HS3ST5: variants seen among roughly 807,000 people sequenced by gnomAD.
HS3ST5 encodes heparan sulfate glucosamine 3-O-sulfotransferase 5.
A neutral mutation model predicts 25.4 loss-of-function variants in HS3ST5; 10 were observed. That is an observed-to-expected ratio of 0.39 (90% CI 0.24 to 0.67). The LOEUF is 0.67. Ranked by LOEUF, HS3ST5 falls within the 30% of genes least tolerant of loss-of-function variation. The probability of loss-of-function intolerance (pLI) is 0.44; values close to 1 mark genes in which losing one functional copy is unlikely to be tolerated. For missense variants in HS3ST5, 324 were observed against 420.7 expected (o/e 0.77, Z 2.01); for synonymous variants, 170 against 162.4 (o/e 1.05, Z -0.36).
At chr6:114,236,432 T>C (rs1454702726) in intron 1 of HS3ST5, among the ~76,000 whole-genome samples, 1 of 152,246 alleles carries the variant, frequency 6.6e-6, no homozygotes, top group East Asian at 1.9e-4. Context: ...CATACTTATA[T>C]GTTTTTTCTC....
At chr6:114,328,519 C>A (rs1776262957) in intron 1 of HS3ST5, among the ~76,000 whole-genome samples, 1 of 152,188 alleles carries the variant, frequency 6.6e-6, no homozygotes, top group East Asian at 1.9e-4. Flanking sequence ...AAGAAAAACA[C>A]TTTACAGCTA....
chr6:114,268,855 T>A (rs1773520323), intron 1 of HS3ST5, among the ~76,000 whole-genome samples: 1 of 152,164 alleles, frequency 6.6e-6, no homozygotes, highest in Admixed American at 6.5e-5. Context: ...GATGGAGCCC[T>A]GCATTGGAGG....
chr6:114,174,921 AG>A (rs1158775808), intron 2 of HS3ST5, among the ~76,000 whole-genome samples: 1 of 152,146 alleles, frequency 6.6e-6, no homozygotes, highest in African/African-American at 2.4e-5. Flanking sequence ...TGAACCCGGG[AG>A]GTGGAGGTTG....
chr6:114,241,260 C>T (rs925918379), intron 1 of HS3ST5, among the ~76,000 whole-genome samples: 1 of 149,570 alleles, frequency 6.7e-6, no homozygotes, highest in Admixed American at 6.8e-5. Flanking sequence ...ATAAAACTTG[C>T]TTGGATAGTT....
chr6:114,122,830 C>T (rs989143371), intron 3 of HS3ST5, among the ~76,000 whole-genome samples: 2 of 152,212 alleles, frequency 1.3e-5, no homozygotes, highest in African/African-American at 4.8e-5. Flanking sequence ...AAGATTGTAA[C>T]ATTTGATACT....
intron 2 of HS3ST5, among the ~76,000 whole-genome samples, chr6:114,218,621 C>T (rs1781880766): frequency 6.6e-6 from 1 of 152,092 alleles, no homozygotes; most frequent in Non-Finnish European, 1.5e-5. Flanking sequence ...TGGGAGTGAA[C>T]TGGTATTTAA....
At chr6:114,267,660 A>T (rs763753404) in intron 1 of HS3ST5, among the ~76,000 whole-genome samples, 1 of 152,174 alleles carries the variant, frequency 6.6e-6, no homozygotes, top group Non-Finnish European at 1.5e-5. Flanking sequence ...GAATCCAGGG[A>T]ACAAGTAGAA....
At chr6:114,195,062 C>G (rs1163080713) in intron 2 of HS3ST5, among the ~76,000 whole-genome samples, 1 of 152,190 alleles carries the variant, frequency 6.6e-6, no homozygotes, top group African/African-American at 2.4e-5. Context: ...GGGCAGGACA[C>G]ATAACCTTGA....
intron 3 of HS3ST5, among the ~76,000 whole-genome samples, chr6:114,098,565 T>C (rs976314558): frequency 4.7e-5 from 7 of 148,792 alleles, no homozygotes; most frequent in Non-Finnish European, 1.0e-4. Flanking sequence ...TTAAATTATA[T>C]ATTTGAAAAT....
intron 3 of HS3ST5, among the ~76,000 whole-genome samples, chr6:114,156,347 T>C (rs2114972066): frequency 6.6e-6 from 1 of 152,370 alleles, no homozygotes. Flanking sequence ...ATAAAATTCA[T>C]ATTCTTCTAA....
At chr6:114,298,248 A>G (rs1306559887) in intron 1 of HS3ST5, among the ~76,000 whole-genome samples, 1 of 152,234 alleles carries the variant, frequency 6.6e-6, no homozygotes, top group East Asian at 1.9e-4. Flanking sequence ...AAGTATGCAT[A>G]TCTAGCACTG....
chr6:114,153,185 G>C (rs1415911706), intron 3 of HS3ST5, among the ~76,000 whole-genome samples: 1 of 152,116 alleles, frequency 6.6e-6, no homozygotes, highest in Non-Finnish European at 1.5e-5. Context: ...CCTGGGCTCT[G>C]TCTCCTGGTT....
At chr6:114,310,691 T>C (rs1021679936) in intron 1 of HS3ST5, among the ~76,000 whole-genome samples, 1 of 152,212 alleles carries the variant, frequency 6.6e-6, no homozygotes, top group African/African-American at 2.4e-5. Flanking sequence ...AAAAATATCT[T>C]ATGTTGCTCA....
intron 2 of HS3ST5, among the ~76,000 whole-genome samples, chr6:114,181,692 G>A (rs570817744): frequency 6.6e-6 from 1 of 152,242 alleles, no homozygotes; most frequent in South Asian, 2.1e-4. Flanking sequence ...CAGAGTACAT[G>A]GTATCATGAC....
intron 1 of HS3ST5, among the ~76,000 whole-genome samples, chr6:114,330,316 G>A (rs1449654920): frequency 6.6e-6 from 1 of 152,018 alleles, no homozygotes. Flanking sequence ...TTCCTAAATG[G>A]CCTGTAATAT....
At chr6:114,122,667 G>A (rs1480075695) in intron 3 of HS3ST5, among the ~76,000 whole-genome samples, 2 of 152,166 alleles carry the variant, frequency 1.3e-5, no homozygotes, top group African/African-American at 4.8e-5. Flanking sequence ...GTTAACATAT[G>A]TTACAAATAC....
intron 3 of HS3ST5, among the ~76,000 whole-genome samples, chr6:114,089,557 T>C (rs1413412956): frequency 2.6e-5 from 4 of 152,228 alleles, no homozygotes; most frequent in Non-Finnish European, 5.9e-5. Flanking sequence ...AACTTATTAG[T>C]TTTTATTAGC....
chr6:114,133,040 T>G (rs1275921119), intron 3 of HS3ST5, among the ~76,000 whole-genome samples: 1 of 152,204 alleles, frequency 6.6e-6, no homozygotes, highest in Non-Finnish European at 1.5e-5. Context: ...TGGTGCTTGC[T>G]GTGAGAAGAT....
chr6:114,323,001 T>G (rs1353048640), intron 1 of HS3ST5, among the ~76,000 whole-genome samples: 2 of 152,170 alleles, frequency 1.3e-5, no homozygotes, highest in African/African-American at 2.4e-5. Context: ...TTTTCATTCC[T>G]GATAAATGCT....
Sources: allele counts gnomAD v4.1 joint callset (sites outside exome capture counted in the v4.1 genomes callset), GRCh38; gene constraint gnomAD v4.1.1; transcripts MANE v1.5; gene names NCBI Gene and HGNC (gene_info 2026-07-23, HGNC 2026-07-21).